The following EDIL3 variants were observed in gnomAD, a reference collection of about 807,000 sequenced individuals.
EDIL3 encodes EGF like and discoidin domains 3.
In EDIL3, 37 loss-of-function variants were observed where a neutral mutation model predicts 67.4. The ratio of observed to expected loss-of-function variants is 0.55; its 90% confidence interval spans 0.42 to 0.72. The LOEUF (loss-of-function observed/expected upper bound fraction) is 0.72, where lower values mean the gene tolerates loss of function less well. Among genes scored for constraint, EDIL3 ranks in the 30% least tolerant of loss-of-function variants. The pLI is 0.00. For missense variants in EDIL3, 527 were observed against 586.3 expected, an observed-to-expected ratio of 0.90 and a Z score of 1.04; for synonymous variants, 195 against 196.3, an observed-to-expected ratio of 0.99 and a Z score of 0.05.
intron 1 of EDIL3, among the ~76,000 whole-genome samples, chr5:84,293,239 G>A (rs574659417): frequency 7.0e-4 from 107 of 152,254 alleles, no homozygotes; most frequent in African/African-American, 2.5e-3. Flanking sequence ...AATCAAAGCC[G>A]TTGATATATT....
At chr5:84,027,957 C>T (rs1282053955) in intron 9 of EDIL3, among the ~76,000 whole-genome samples, 1 of 152,126 alleles carries the variant, frequency 6.6e-6, no homozygotes, top group African/African-American at 2.4e-5. Context: ...CTTTCCTGAA[C>T]TGTGGACAAC....
intron 10 of EDIL3, among the ~76,000 whole-genome samples, chr5:83,962,620 GA>G (rs1744623660): frequency 6.6e-6 from 1 of 151,382 alleles, no homozygotes; most frequent in African/African-American, 2.4e-5. Context: ...AAATTTAAAA[GA>G]AAAATAAAAC....
At chr5:83,955,306 A>C (rs1429477374) in intron 10 of EDIL3, among the ~76,000 whole-genome samples, 1 of 151,774 alleles carries the variant, frequency 6.6e-6, no homozygotes, top group African/African-American at 2.4e-5. Context: ...AAGGTGATAA[A>C]GCATGTAATA....
chr5:84,238,688 A>G, intron 2 of EDIL3, among the ~76,000 whole-genome samples: 1 of 27,168 alleles, frequency 3.7e-5, no homozygotes, highest in African/African-American at 1.9e-4. Flanking sequence ...TTTTTTCAGA[A>G]TCATTAGGAC....
At chr5:84,321,536 G>A (rs1468414235) in intron 1 of EDIL3, among the ~76,000 whole-genome samples, 3 of 152,082 alleles carry the variant, frequency 2.0e-5, no homozygotes, top group East Asian at 1.9e-4. Flanking sequence ...GTAACGCATC[G>A]ATGGTAAATT....
chr5:84,148,529 A>G (rs1484828804), intron 4 of EDIL3, among the ~76,000 whole-genome samples: 1 of 152,180 alleles, frequency 6.6e-6, no homozygotes, highest in African/African-American at 2.4e-5. Context: ...TGACATCTGT[A>G]GCTTAAAGAC....
intron 4 of EDIL3, among the ~76,000 whole-genome samples, chr5:84,145,460 T>A (rs1421281395): frequency 6.6e-6 from 1 of 152,066 alleles, no homozygotes; most frequent in African/African-American, 2.4e-5. Context: ...TGAACTTTAG[T>A]CCTTGGATAC....
chr5:83,949,777 C>T (rs577845235), intron 10 of EDIL3, among the ~76,000 whole-genome samples: 35 of 151,860 alleles, frequency 2.3e-4, no homozygotes, highest in Admixed American at 1.8e-3. Flanking sequence ...TAGATGTTAA[C>T]CTTACCCAAG....
At chr5:84,180,629 A>G (rs1394053001) in intron 3 of EDIL3, 108 bp from the exon 4 acceptor site, 1 of 1,251,112 alleles carries the variant, frequency 8.0e-7, no homozygotes, top group African/African-American at 1.5e-5. Context: ...TCTAGATATT[A>G]GTGGCATAGT....
At chr5:84,051,888 G>A (rs1746345971) in intron 9 of EDIL3, among the ~76,000 whole-genome samples, 1 of 152,230 alleles carries the variant, frequency 6.6e-6, no homozygotes, top group African/African-American at 2.4e-5. Context: ...ACAGTCTGCA[G>A]GATATCATCC....
chr5:84,163,450 A>G (rs1043688240), intron 4 of EDIL3, among the ~76,000 whole-genome samples: 12 of 152,204 alleles, frequency 7.9e-5, no homozygotes, highest in African/African-American at 2.6e-4. Context: ...CTAAGAATTA[A>G]GTTACTTTAA....
chr5:84,064,437 C>A (rs1746597714), intron 8 of EDIL3, among the ~76,000 whole-genome samples: 1 of 152,048 alleles, frequency 6.6e-6, no homozygotes, highest in South Asian at 2.1e-4. Context: ...GACAATTTTC[C>A]CGTGAGAATT....
At chr5:84,120,768 TA>T (rs1274914887) in intron 5 of EDIL3, among the ~76,000 whole-genome samples, 2 of 152,004 alleles carry the variant, frequency 1.3e-5, no homozygotes, top group African/African-American at 4.8e-5. Context: ...AATGTCTTTA[TA>T]CAGGTCTCTT....
At chr5:84,133,437 G>T (rs1748030546) in intron 5 of EDIL3, among the ~76,000 whole-genome samples, 1 of 140,390 alleles carries the variant, frequency 7.1e-6, no homozygotes, top group African/African-American at 2.7e-5. Flanking sequence ...AGACCAAAGT[G>T]CTGAAACCCC....
At chr5:84,263,887 T>A (rs1745288317) in intron 1 of EDIL3, among the ~76,000 whole-genome samples, 1 of 152,116 alleles carries the variant, frequency 6.6e-6, no homozygotes, top group South Asian at 2.1e-4. Flanking sequence ...TATGGAAGGA[T>A]TCAGCTTTGA....
chr5:84,276,456 T>C (rs1360990998), intron 1 of EDIL3, among the ~76,000 whole-genome samples: 1 of 152,234 alleles, frequency 6.6e-6, no homozygotes, highest in East Asian at 1.9e-4. Flanking sequence ...CTGTAATTGC[T>C]TTTCTGTAAC....
chr5:84,337,729 T>C (rs541613081), intron 1 of EDIL3, among the ~76,000 whole-genome samples: 1 of 152,312 alleles, frequency 6.6e-6, no homozygotes, highest in African/African-American at 2.4e-5. Flanking sequence ...TTTTTCATCA[T>C]GATAAATGAT....
chr5:84,174,065 T>A (rs1000389388), intron 4 of EDIL3, among the ~76,000 whole-genome samples: 3 of 152,134 alleles, frequency 2.0e-5, no homozygotes, highest in African/African-American at 7.2e-5. Flanking sequence ...GAGGGGCCCA[T>A]CAGGGTGGCC....
intron 1 of EDIL3, among the ~76,000 whole-genome samples, chr5:84,268,137 CAATAAATA>C (rs541817411): frequency 4.9e-4 from 74 of 151,238 alleles, no homozygotes; most frequent in African/African-American, 1.4e-3. Flanking sequence ...ATCTCGTCTC[CAATAAATA>C]AATAAATAAA....
Sources: allele counts gnomAD v4.1 joint callset (sites outside exome capture counted in the v4.1 genomes callset), GRCh38; gene constraint gnomAD v4.1.1; transcripts MANE v1.5; gene names NCBI Gene and HGNC (gene_info 2026-07-23, HGNC 2026-07-21).